Variants in PGM5 observed in about 807,000 individuals in gnomAD.
The protein encoded by PGM5 is phosphoglucomutase-like protein 5.
In PGM5, 23 loss-of-function variants were observed where a neutral mutation model predicts 59.2. That is an observed-to-expected ratio of 0.39 (90% CI 0.28 to 0.55). The LOEUF is 0.55. Among genes scored for constraint, PGM5 ranks in the 20% least tolerant of loss-of-function variants. The probability of loss-of-function intolerance (pLI) is 0.66; values close to 1 mark genes in which losing one functional copy is unlikely to be tolerated. For missense variants in PGM5, 574 were observed against 748.3 expected, an observed-to-expected ratio of 0.77 and a Z score of 2.72; for synonymous variants, 214 against 286.0, an observed-to-expected ratio of 0.75 and a Z score of 2.54.
intron 1 of PGM5, among the ~76,000 whole-genome samples, chr9:68,374,807 T>C (rs1370368211): frequency 6.6e-6 from 1 of 152,270 alleles, no homozygotes; most frequent in African/African-American, 2.4e-5. Context: ...TCTTGGAATA[T>C]AGCAGTGAAA....
chr9:68,369,988 G>C (rs1554677047), intron 1 of PGM5, among the ~76,000 whole-genome samples: 2 of 151,892 alleles, frequency 1.3e-5, no homozygotes, highest in Non-Finnish European at 2.9e-5. Context: ...TTAAGGACTG[G>C]CATTCTGCAA....
chr9:68,379,732 A>G (rs1172491192), intron 2 of PGM5, among the ~76,000 whole-genome samples: 2 of 152,094 alleles, frequency 1.3e-5, no homozygotes, highest in East Asian at 1.9e-4. Context: ...AAGAATAGGC[A>G]TATATTGAAA....
chr9:68,485,533 A>G (rs1376491003), intron 9 of PGM5, among the ~76,000 whole-genome samples: 9 of 152,180 alleles, frequency 5.9e-5, no homozygotes, highest in African/African-American at 2.2e-4. Context: ...CATGTAAGAC[A>G]TGTGTTTGCT....
At chr9:68,481,637 TG>T (rs1320130420) in intron 8 of PGM5, among the ~76,000 whole-genome samples, 1 of 152,212 alleles carries the variant, frequency 6.6e-6, no homozygotes, top group East Asian at 1.9e-4. Flanking sequence ...CTTGAATAAT[TG>T]GTGTTATGGT....
chr9:68,457,300 G>A (rs1823793886), intron 6 of PGM5, among the ~76,000 whole-genome samples: 1 of 152,052 alleles, frequency 6.6e-6, no homozygotes, highest in Non-Finnish European at 1.5e-5. Context: ...TAGAACATGG[G>A]ACAGACAGTG....
intron 7 of PGM5, 79 bp downstream of exon 7, chr9:68,465,287 T>C (rs1173062041): frequency 8.4e-6 from 8 of 951,788 alleles, no homozygotes; most frequent in East Asian, 4.9e-5. Flanking sequence ...CTGTGAACTT[T>C]CTGTGAATTA....
At chr9:68,525,840 A>C (rs1362541973) in intron 10 of PGM5, among the ~76,000 whole-genome samples, 2 of 152,206 alleles carry the variant, frequency 1.3e-5, no homozygotes, top group Non-Finnish European at 2.9e-5. Flanking sequence ...GCAAATCACG[A>C]GGTCAGGAGA....
At position 68,369,100 on chromosome 9, in the gene PGM5, A is replaced by G. The variant is rs1280292714; in HGVS notation, c.262-9099A>G. 5.9e-5 allele frequency among the ~76,000 whole-genome samples: 9 copies of G among 152,370 alleles called. No individual in the cohort carries two copies. In the East Asian group the frequency reaches 1.7e-3, roughly 29 times the overall value. ...TATATCCATTAAAATCATGTTGTGG[A>G]AGAATATTCAGTGACATGGAAAGAT... On this transcript the variant is annotated intron_variant, in intron 1 of 10. Transcript: ENST00000396396.
At chr9:68,378,525 G>A (rs1350876121) in intron 2 of PGM5, among the ~76,000 whole-genome samples, 164 bp downstream of exon 2, 2 of 152,112 alleles carry the variant, frequency 1.3e-5, no homozygotes, top group African/African-American at 2.4e-5. Context: ...TGGCATGATG[G>A]GCTCATGAAC....
chr9:68,376,835 C>CTCTTTCTTTCTTTCTTTCT (rs1563984870), intron 1 of PGM5, among the ~76,000 whole-genome samples: 70 of 58,590 alleles, frequency 1.2e-3, no homozygotes, highest in African/African-American at 5.5e-3. Context: ...CTTTCTTTCT[C>CTCTTTCTTTCTTTCTTTCT]TTTCTTTCTT....
chr9:68,494,460 G>T (rs1455368747), intron 9 of PGM5, among the ~76,000 whole-genome samples: 1 of 152,072 alleles, frequency 6.6e-6, no homozygotes, highest in Non-Finnish European at 1.5e-5. Context: ...TGAGGCAAGT[G>T]ACCCAGAAAA....
intron 10 of PGM5, among the ~76,000 whole-genome samples, chr9:68,522,431 G>A (rs1369000816): frequency 1.3e-5 from 2 of 152,178 alleles, no homozygotes; most frequent in Non-Finnish European, 2.9e-5. Flanking sequence ...CCACCAACAA[G>A]TACTTCCAGC....
chr9:68,477,132 G>A (rs147124963), intron 7 of PGM5, among the ~76,000 whole-genome samples: 4,397 of 152,206 alleles, frequency 0.029, 96 homozygotes, highest in Non-Finnish European at 0.044. Flanking sequence ...AGAATTCACT[G>A]GATAAGACTA....
rs376613455 is a variant in PGM5 at position 68,424,975 on chromosome 9, C to A, written c.1043+32502C>A. Reference sequence around the variant, plus strand: ...AAATTCATATAATTATATGATTAAACAAATTTCTACTAAGACAAATTTGGT... The same window carrying A: ...AAATTCATATAATTATATGATTAAAAAAATTTCTACTAAGACAAATTTGGT... On this transcript the variant is annotated intron_variant, in intron 6 of 10. Transcript: ENST00000396396. Among the ~76,000 whole-genome samples, 6 of 152,276 alleles carry A rather than the reference C, an allele frequency of 3.9e-5. No homozygotes were observed. In the East Asian group the frequency reaches 9.6e-4, roughly 24 times the overall value.
At position 68,356,921 on chromosome 9, in the gene PGM5, CGA is replaced by C. The variant is rs1387295171; in HGVS notation, c.-201_-200del. On this transcript the variant is annotated 5_prime_UTR_variant, in exon 1 of 11. Transcript: ENST00000396396. ...ACAGGAAGGCAGAAGCAATCTCTGC[CGA>C]GAGAGTCAGCCGAGCGGCCGCGCGG... The C allele has an allele frequency of 8.8e-6, 4 of 456,040 alleles. No homozygotes were observed. The highest frequency in any genetic ancestry group is 1.5e-5 in the Non-Finnish European group (4 of 264,806). 28.2% of individuals were successfully genotyped at this position (456,040 alleles called of 1,614,324 possible).
intron 6 of PGM5, among the ~76,000 whole-genome samples, chr9:68,438,371 G>A (rs1461803411): frequency 1.1e-4 from 16 of 149,690 alleles, no homozygotes; most frequent in African/African-American, 3.9e-4. Flanking sequence ...TTTGAGACAT[G>A]ACTGTCAACC....
chr9:68,476,246 A>G (rs1824101738), intron 7 of PGM5, among the ~76,000 whole-genome samples: 1 of 152,186 alleles, frequency 6.6e-6, no homozygotes, highest in African/African-American at 2.4e-5. Flanking sequence ...CTTTGACCAC[A>G]GTGAGGGTGA....
intron 6 of PGM5, among the ~76,000 whole-genome samples, chr9:68,425,425 G>A (rs1294501997): frequency 5.9e-5 from 9 of 152,288 alleles, no homozygotes; most frequent in Admixed American, 5.9e-4. Flanking sequence ...GTGATGGAGG[G>A]ATGTGGAGAC....
chr9:68,520,096 A>AC (rs1475953535), intron 10 of PGM5, among the ~76,000 whole-genome samples: 3 of 150,364 alleles, frequency 2.0e-5, no homozygotes, highest in Admixed American at 6.6e-5. Flanking sequence ...TCTCAAAAAA[A>AC]AAAAAAAGAC....
Sources: gnomAD v4.1 joint callset for allele counts (sites outside exome capture counted in the v4.1 genomes callset) on GRCh38, gnomAD v4.1.1 for gene constraint, MANE v1.5 for transcripts, NCBI Gene and HGNC (gene_info 2026-07-23, HGNC 2026-07-21) for gene names.